The following KAT6B variants were observed in gnomAD, a reference collection of about 807,000 sequenced individuals.
KAT6B encodes the protein histone acetyltransferase KAT6B.
Under a neutral mutation model 187.5 loss-of-function variants are expected in KAT6B, and 10 were observed. The observed-to-expected ratio is 0.05, with a 90% CI of 0.03 to 0.09. The LOEUF (loss-of-function observed/expected upper bound fraction) is 0.09. Ranked by LOEUF, KAT6B falls within the 10% of genes least tolerant of loss-of-function variation. The pLI is 1.00. For synonymous variants in KAT6B, 861 were observed against 926.8 expected, an observed-to-expected ratio of 0.93 and a Z score of 1.29; for missense variants, 1,952 against 2,558.9, an observed-to-expected ratio of 0.76 and a Z score of 5.12.
At chr10:74,832,021 C>T (rs1220358357) in intron 1 of KAT6B, among the ~76,000 whole-genome samples, 4 of 152,196 alleles carry the variant, frequency 2.6e-5, no homozygotes, top group African/African-American at 9.6e-5. Flanking sequence ...TGTAACATGC[C>T]TTAAGTAAAG....
chr10:75,020,504 ATAT>A (rs966225990), intron 13 of KAT6B, 75 bp from the exon 14 acceptor site: 1 of 977,890 alleles, frequency 1.0e-6, no homozygotes, highest in Non-Finnish European at 1.6e-6. Context: ...GTCACTACTC[ATAT>A]TATTTCTAGT....
At chr10:75,022,334 G>A in intron 16 of KAT6B, 103 bp downstream of exon 16, 3 of 1,322,482 alleles carry the variant, frequency 2.3e-6, no homozygotes, top group Admixed American at 1.7e-5. Flanking sequence ...CTGTTCTTTA[G>A]TCGTAGTTTA....
intron 3 of KAT6B, among the ~76,000 whole-genome samples, chr10:74,920,545 A>G (rs542762058): frequency 1.3e-5 from 2 of 152,218 alleles, no homozygotes; most frequent in East Asian, 1.9e-4. Context: ...TTGCCTAAAC[A>G]TGACAGCTGA....
At chr10:74,847,211 C>G (rs1322612851) in intron 3 of KAT6B, among the ~76,000 whole-genome samples, 3 of 152,110 alleles carry the variant, frequency 2.0e-5, no homozygotes, top group Admixed American at 1.3e-4. Context: ...TAGCATCATG[C>G]TATAATGAGG....
At chr10:75,025,322 C>G in intron 17 of KAT6B, 73 bp downstream of exon 17, 1 of 1,514,174 alleles carries the variant, frequency 6.6e-7, no homozygotes, top group Non-Finnish European at 9.1e-7. Context: ...GAGCAGGCCT[C>G]TGGCGTGATG....
At chr10:74,934,186 CAAAAAAA>C (rs386371842) in intron 3 of KAT6B, among the ~76,000 whole-genome samples, 1 of 69,392 alleles carries the variant, frequency 1.4e-5, no homozygotes. Context: ...ACTCCGTCTC[CAAAAAAA>C]AAAAAAAAAA....
chr10:75,030,426 G>T lies in KAT6B; in HGVS notation c.5602G>T (p.Val1868Phe). 1 of 1,614,132 alleles carries T rather than the reference G, an allele frequency of 6.2e-7. No homozygotes were observed. Among genetic ancestry groups the T allele is most frequent in the Non-Finnish European group, 8.5e-7 (1 of 1,180,026 alleles). The change falls in exon 18 of 18, where the codon GTC becomes TTC. Residue 1868 changes from valine (V) to phenylalanine (F), a missense_variant. Transcript: ENST00000287239. The surrounding 1 kb of genome is among the most constrained non-coding windows in gnomAD (Gnocchi z 4.8). ...LVQLSQSPHS[V>F]PGGPQAQATM... ...TCAACTTTCTCAGTCTCCACACTCC[G>T]TCCCTGGGGGACCCCAAGCACAAGC...
intron 13 of KAT6B, among the ~76,000 whole-genome samples, chr10:74,992,865 G>A (rs982499085): frequency 1.3e-5 from 2 of 152,186 alleles, no homozygotes; most frequent in Non-Finnish European, 2.9e-5. Context: ...TCCCAATCTG[G>A]TTATAAACTC....
intron 3 of KAT6B, among the ~76,000 whole-genome samples, chr10:74,866,164 T>C (rs1265462749): frequency 6.6e-6 from 1 of 151,968 alleles, no homozygotes; most frequent in Non-Finnish European, 1.5e-5. Context: ...GATAATTGGA[T>C]ACATTTGAAT....
At chr10:74,971,504 G>C in intron 6 of KAT6B, among the ~76,000 whole-genome samples, 1 of 152,190 alleles carries the variant, frequency 6.6e-6, no homozygotes, top group East Asian at 1.9e-4. Context: ...TTTGATAATA[G>C]AAATATGTCT....
intron 1 of KAT6B, among the ~76,000 whole-genome samples, chr10:74,833,673 C>T (rs763975191): frequency 6.6e-6 from 1 of 152,074 alleles, no homozygotes; most frequent in Non-Finnish European, 1.5e-5. Flanking sequence ...AGTTTAATGA[C>T]ATAACAAGGA....
At position 74,960,184 on chromosome 10, in the gene KAT6B, G is replaced by A. The variant is rs1292489233; in HGVS notation, c.730+106G>A. 4.8e-6 allele frequency: 4 copies of A among 825,052 alleles called. No individual in the cohort carries two copies. In the African/African-American group the frequency reaches 6.7e-5, roughly 14 times the overall value. The allele number at this position is 825,052 out of a possible 1,614,324, so 51.1% of individuals were successfully genotyped here. Reference sequence around the variant, plus strand: ...GTATTGTTATTTAAGGCAGTTATATGGTAATAGCATAGGCTTTAAATTTTA... The same window carrying A: ...GTATTGTTATTTAAGGCAGTTATATAGTAATAGCATAGGCTTTAAATTTTA... On this transcript the variant is annotated intron_variant, in intron 4 of 17. Transcript: ENST00000287239.
chr10:74,914,799 C>T (rs1847537209), intron 3 of KAT6B, among the ~76,000 whole-genome samples: 1 of 152,008 alleles, frequency 6.6e-6, no homozygotes, highest in Admixed American at 6.6e-5. Context: ...TTTAAAAATC[C>T]CAGCTTTTTG....
In KAT6B at chr10:74,985,092, A is replaced by T; in HGVS notation, c.2386A>T (p.Met796Leu). The change falls in exon 12 of 18, where the codon ATG becomes TTG. Residue 796 changes from methionine to leucine, a missense_variant. Transcript: ENST00000287239. ...DLSVFEVDGNMSKIYCQNLCL... is the reference protein window; with the variant it reads ...DLSVFEVDGNLSKIYCQNLCL... ...TTCTTTTTGCTAGGTTGATGGGAATATGAGCAAAATTTATTGCCAAAACCT... is the reference window on the plus strand; with the variant it reads ...TTCTTTTTGCTAGGTTGATGGGAATTTGAGCAAAATTTATTGCCAAAACCT... 1.2e-6 allele frequency: 2 copies of T among 1,613,994 alleles called. No homozygotes were observed. The highest frequency in any genetic ancestry group is 1.7e-6 in the Non-Finnish European group (2 of 1,179,998).
At chr10:74,845,822 C>T (rs192246563) in intron 3 of KAT6B, among the ~76,000 whole-genome samples, 1 of 148,324 alleles carries the variant, frequency 6.7e-6, no homozygotes, top group Non-Finnish European at 1.5e-5. Context: ...TGCTTTAGAT[C>T]AGATCAGCCC....
At chr10:74,965,912 T>G (rs1025162180) in intron 4 of KAT6B, among the ~76,000 whole-genome samples, 4 of 151,900 alleles carry the variant, frequency 2.6e-5, no homozygotes, top group Non-Finnish European at 5.9e-5. Flanking sequence ...TTTTTTTTTT[T>G]TTTTAGTAGA....
At chr10:75,020,525 G>C (rs555100783) in intron 13 of KAT6B, 57 bp from the exon 14 acceptor site, 75 of 1,232,520 alleles carry the variant, frequency 6.1e-5, no homozygotes, top group Non-Finnish European at 8.4e-5. Context: ...AGTGGCTCCT[G>C]TTCTAAGCTC....
intron 13 of KAT6B, among the ~76,000 whole-genome samples, chr10:75,014,762 T>C (rs1290012016): frequency 6.6e-6 from 1 of 152,170 alleles, no homozygotes; most frequent in Non-Finnish European, 1.5e-5. Flanking sequence ...CAATGGAAGT[T>C]GAGAAGCAGA....
At chr10:74,913,472 G>A (rs774879844) in intron 3 of KAT6B, among the ~76,000 whole-genome samples, 2 of 152,150 alleles carry the variant, frequency 1.3e-5, no homozygotes, top group African/African-American at 2.4e-5. Flanking sequence ...ATCCTGTTGT[G>A]CTGTGTGTTC....
Sources: gnomAD v4.1 joint callset for allele counts (sites outside exome capture counted in the v4.1 genomes callset) on GRCh38, gnomAD v4.1.1 for gene constraint, Gnocchi (gnomAD v3.1) non-coding constraint, MANE v1.5 for transcripts, NCBI Gene and HGNC (gene_info 2026-07-23, HGNC 2026-07-21) for gene names.